The following CTXN2 variants were observed in gnomAD, a reference collection of about 807,000 sequenced individuals.
CTXN2 encodes cortexin 2, also known as cortexin-2.
Under a neutral mutation model 5.7 loss-of-function variants are expected in CTXN2, and 3 were observed. The observed-to-expected ratio is 0.53, with a 90% CI of 0.24 to 1.36. The LOEUF (loss-of-function observed/expected upper bound fraction) is 1.36, where lower values mean the gene tolerates loss of function less well. Ranked by LOEUF, CTXN2 falls within the 40% of genes most tolerant of loss-of-function variation. The pLI is 0.17. For synonymous variants in CTXN2, 38 were observed against 36.4 expected (o/e 1.04, Z -0.16); for missense variants, 87 against 93.0 (o/e 0.94, Z 0.26).
upstream of CTXN2, chr15:48,191,645 G>A (rs925063924): frequency 6.5e-5 from 29 of 445,468 alleles, no homozygotes; most frequent in African/African-American, 5.6e-4. Flanking sequence ...CACGTACTTC[G>A]GCGGGCGCCC....
intron 1 of CTXN2, among the ~76,000 whole-genome samples, chr15:48,198,651 C>T (rs2040901203): frequency 6.6e-6 from 1 of 152,098 alleles, no homozygotes; most frequent in Admixed American, 6.6e-5. Context: ...TGTTTTATTG[C>T]TGCCTCTAAA....
chr15:48,186,062 A>C (rs550897863), intron 1 of CTXN2, among the ~76,000 whole-genome samples: 23 of 152,302 alleles, frequency 1.5e-4, no homozygotes, highest in African/African-American at 5.0e-4. Flanking sequence ...AACTTAAGCT[A>C]ATCTCTATAT....
At chr15:48,182,558 G>C (rs1186920367) in intron 1 of CTXN2, among the ~76,000 whole-genome samples, 1 of 152,220 alleles carries the variant, frequency 6.6e-6, no homozygotes. Context: ...CAAAATGGTA[G>C]ATTGAAGTGA....
chr15:48,182,200 T>A (rs994788275), intron 1 of CTXN2, among the ~76,000 whole-genome samples: 2 of 152,172 alleles, frequency 1.3e-5, no homozygotes, highest in African/African-American at 2.4e-5. Flanking sequence ...TCTTTTTTTT[T>A]AGCATTTAGC....
upstream of CTXN2, among the ~76,000 whole-genome samples, chr15:48,190,530 G>A (rs1296425443): frequency 6.6e-6 from 1 of 151,696 alleles, no homozygotes; most frequent in Non-Finnish European, 1.5e-5. Flanking sequence ...TCCTAAATCA[G>A]TAAATACTCT....
Position 48,191,828 on chromosome 15 carries a change from C to T in CTXN2, c.-83C>T. 1 of 456,032 alleles carries T rather than the reference C, an allele frequency of 2.2e-6. No homozygotes were observed. Among genetic ancestry groups the T allele is most frequent in the African/African-American group, 2.0e-5 (1 of 50,172 alleles). The allele number at this position is 456,032 out of a possible 1,614,324, so 28.2% of individuals were successfully genotyped here. A position where few individuals can be genotyped will look rare whatever the true frequency, so the allele number is the denominator to read the frequency against. ...ACACTTAAGTCTACTGGCTGGACTT[C>T]ATCTCCATGGCAACAAGCATGGAAG... On this transcript the variant is annotated 5_prime_UTR_variant, in exon 1 of 2. Coordinates refer to ENST00000417307, the MANE Select transcript of CTXN2 (RefSeq NM_001145668.2).
chr15:48,197,458 A>T (rs2140985982), intron 1 of CTXN2, among the ~76,000 whole-genome samples: 1 of 152,160 alleles, frequency 6.6e-6, no homozygotes, highest in African/African-American at 2.4e-5. Context: ...ATTTTTAAAT[A>T]ATTGTGTCTG....
upstream of CTXN2, among the ~76,000 whole-genome samples, chr15:48,187,499 C>T (rs1376743913): frequency 2.0e-5 from 3 of 152,120 alleles, no homozygotes; most frequent in African/African-American, 7.2e-5. Flanking sequence ...AAACCTCAGC[C>T]AAACAAGACG....
rs1488461489 is a variant in CTXN2 at position 48,195,061 on chromosome 15, T to G, written c.-58+3208T>G. ...GATAAATTTATTGAAAGCTGACAAT[T>G]GAGTGCCTACTAAGTGCCACACATG... On this transcript the variant is annotated intron_variant, in intron 1 of 1. Transcript: ENST00000417307. 2.0e-5 allele frequency among the ~76,000 whole-genome samples: 3 copies of G among 152,174 alleles called. No homozygotes were observed. The East Asian group carries it at 5.8e-4, about 29-fold the overall frequency.
At chr15:48,198,404 T>C (rs1365067029) in intron 1 of CTXN2, among the ~76,000 whole-genome samples, 1 of 152,158 alleles carries the variant, frequency 6.6e-6, no homozygotes, top group Non-Finnish European at 1.5e-5. Flanking sequence ...TTTAATTCAA[T>C]TAAAATATGT....
At chr15:48,188,778 C>A (rs553847107), upstream of CTXN2, among the ~76,000 whole-genome samples, 1 of 152,134 alleles carries the variant, frequency 6.6e-6, no homozygotes, top group Non-Finnish European at 1.5e-5. Flanking sequence ...ATATTTCATG[C>A]CTTTCAGCAA....
chr15:48,202,129 T>A lies in CTXN2; in HGVS notation c.*583T>A, dbSNP rs1256530704. 1 of 168,460 alleles carries A rather than the reference T, an allele frequency of 5.9e-6. No individual in the cohort carries two copies. The highest frequency in any genetic ancestry group is 1.9e-4 in the East Asian group (1 of 5,202). 10.4% of individuals were successfully genotyped at this position (168,460 alleles called of 1,614,324 possible). On this transcript the variant is annotated 3_prime_UTR_variant, in exon 2 of 2. Transcript: ENST00000417307. Reference sequence around the variant, plus strand: ...CCCTGACCCTCCTATCTCTTCTGTTTGTCGAATCTCTTGCAGTAAAATCCC... The same window carrying A: ...CCCTGACCCTCCTATCTCTTCTGTTAGTCGAATCTCTTGCAGTAAAATCCC...
At chr15:48,188,088 ATTTAC>A (rs1221847074), upstream of CTXN2, among the ~76,000 whole-genome samples, 6 of 152,118 alleles carry the variant, frequency 3.9e-5, no homozygotes, top group African/African-American at 1.2e-4. Flanking sequence ...AAGTAGAGAA[ATTTAC>A]TTTATTTATT....
upstream of CTXN2, among the ~76,000 whole-genome samples, chr15:48,189,758 C>A (rs2040796148): frequency 6.6e-6 from 1 of 152,196 alleles, no homozygotes. Flanking sequence ...CAATCTATGA[C>A]TGACTGCATT....
chr15:48,183,209 T>A (rs1232644564), intron 1 of CTXN2, among the ~76,000 whole-genome samples: 1 of 152,206 alleles, frequency 6.6e-6, no homozygotes, highest in African/African-American at 2.4e-5. Context: ...CTTTCTGAGG[T>A]ACCCACATAT....
intron 1 of CTXN2, among the ~76,000 whole-genome samples, chr15:48,181,446 G>A (rs1385620651): frequency 6.6e-6 from 1 of 152,178 alleles, no homozygotes; most frequent in Admixed American, 6.5e-5. Context: ...CAAGAACTTA[G>A]TCACATGACA....
intron 1 of CTXN2, among the ~76,000 whole-genome samples, chr15:48,199,261 T>C (rs1253920826): frequency 6.6e-6 from 1 of 152,204 alleles, no homozygotes; most frequent in Admixed American, 6.5e-5. Flanking sequence ...AGCAGCTCTC[T>C]GCAATCGAGG....
At chr15:48,189,132 G>A (rs577561646), upstream of CTXN2, 34 of 152,200 alleles carry the variant, frequency 2.2e-4, no homozygotes, top group African/African-American at 7.5e-4. Flanking sequence ...AAGGGTCAGG[G>A]TCATGCACCA....
At chr15:48,187,187 A>G (rs1456483668), upstream of CTXN2, among the ~76,000 whole-genome samples, 1 of 151,964 alleles carries the variant, frequency 6.6e-6, no homozygotes, top group African/African-American at 2.4e-5. Flanking sequence ...TTAAAACTGT[A>G]TATGTAGACA....
Sources: gnomAD v4.1 joint callset for allele counts (sites outside exome capture counted in the v4.1 genomes callset) on GRCh38, gnomAD v4.1.1 for gene constraint, MANE v1.5 for transcripts, NCBI Gene and HGNC (gene_info 2026-07-23, HGNC 2026-07-21) for gene names.